MARCHF1: variants seen among roughly 807,000 people sequenced by gnomAD.
The protein encoded by MARCHF1 is E3 ubiquitin-protein ligase MARCHF1.
MARCHF1 carries 40 observed loss-of-function variants against 54.2 expected under a neutral mutation model. That is an observed-to-expected ratio of 0.74 (90% CI 0.57 to 0.96). The LOEUF (loss-of-function observed/expected upper bound fraction) is 0.96. Among genes scored for constraint, MARCHF1 ranks in the 40% least tolerant of loss-of-function variants. MARCHF1 has a pLI of 0.00. For missense variants in MARCHF1, 586 were observed against 656.5 expected (o/e 0.89, Z 1.17); for synonymous variants, 236 against 236.3 (o/e 1.00, Z 0.01).
rs1167952719 is a variant in MARCHF1, at chr4:163,637,685, T to C, written c.163-24292A>G. ...TCAACCATTGTGGAAGTCAGTGTGG[T>C]GATTCCTCAGGGATCTAGAACTAGA... On this transcript the variant is annotated intron_variant, in intron 5 of 9. Coordinates refer to ENST00000514618, the MANE Select transcript of MARCHF1 (RefSeq NM_001394959.1). Among the ~76,000 whole-genome samples, 169 of 150,418 alleles carry C rather than the reference T, an allele frequency of 1.1e-3. 1 individual carries two copies. The highest frequency in any genetic ancestry group is 0.01 in the Middle Eastern group (3 of 292).
intron 5 of MARCHF1, among the ~76,000 whole-genome samples, chr4:163,655,819 T>A (rs190253895): frequency 1.3e-5 from 2 of 151,816 alleles, no homozygotes; most frequent in Admixed American, 1.3e-4. Flanking sequence ...GAGTAAATAA[T>A]GAAATTAAGG....
intron 1 of MARCHF1, among the ~76,000 whole-genome samples, chr4:164,235,242 G>T (rs1255841730): frequency 6.6e-6 from 1 of 151,974 alleles, no homozygotes; most frequent in Non-Finnish European, 1.5e-5. Context: ...CCATTTCCCT[G>T]TATCTCATAT....
chr4:163,660,838 A>T (rs1743322279), intron 5 of MARCHF1, among the ~76,000 whole-genome samples: 1 of 151,950 alleles, frequency 6.6e-6, no homozygotes, highest in Non-Finnish European at 1.5e-5. Flanking sequence ...AATTCAAAAA[A>T]ATTCCCATTT....
At chr4:164,326,159 C>A (rs1322031549) in intron 1 of MARCHF1, among the ~76,000 whole-genome samples, 1 of 152,100 alleles carries the variant, frequency 6.6e-6, no homozygotes, top group East Asian at 1.9e-4. Flanking sequence ...TTAAAAAATT[C>A]TTGCCTTTAC....
At chr4:164,380,877 A>G (rs1731346054) in intron 1 of MARCHF1, among the ~76,000 whole-genome samples, 1 of 152,222 alleles carries the variant, frequency 6.6e-6, no homozygotes, top group African/African-American at 2.4e-5. Flanking sequence ...TCCTTAAGCT[A>G]GAATTTGAAT....
chr4:164,326,298 T>A (rs2110783288), intron 1 of MARCHF1, among the ~76,000 whole-genome samples: 1 of 152,310 alleles, frequency 6.6e-6, no homozygotes, highest in African/African-American at 2.4e-5. Flanking sequence ...AATGACTAGT[T>A]TTTATGATCC....
At chr4:164,102,615 C>A (rs1241129532) in intron 2 of MARCHF1, among the ~76,000 whole-genome samples, 1 of 151,198 alleles carries the variant, frequency 6.6e-6, no homozygotes, top group African/African-American at 2.4e-5. Flanking sequence ...CTGAAGGAAG[C>A]ACTAAACATG....
At chr4:164,200,606 A>C (rs1032904712) in intron 1 of MARCHF1, among the ~76,000 whole-genome samples, 1 of 152,220 alleles carries the variant, frequency 6.6e-6, no homozygotes, top group African/African-American at 2.4e-5. Flanking sequence ...TTCTTCAAAA[A>C]TGTTATACAT....
At chr4:164,290,049 A>G (rs1734249834) in intron 1 of MARCHF1, among the ~76,000 whole-genome samples, 1 of 152,024 alleles carries the variant, frequency 6.6e-6, no homozygotes, top group Non-Finnish European at 1.5e-5. Context: ...ACACACAGAC[A>G]CACAATTTCT....
rs191733570 is a variant in MARCHF1 at position 163,724,244 on chromosome 4, G to A, written c.112-23381C>T. On this transcript the variant is annotated intron_variant, in intron 4 of 9. Transcript: ENST00000514618. ...TGTTAGTTTTCCTTCTAATGGTCACGATCCTCAGATGTTGGAGTTTGCTGG... is the reference window on the plus strand; with the variant it reads ...TGTTAGTTTTCCTTCTAATGGTCACAATCCTCAGATGTTGGAGTTTGCTGG... 1.4e-4 allele frequency among the ~76,000 whole-genome samples: 22 copies of A among 152,316 alleles called. No individual in the cohort carries two copies. The East Asian group carries it at 2.5e-3, about 17-fold the overall frequency.
chr4:163,852,754 A>G (rs554658888), intron 4 of MARCHF1, among the ~76,000 whole-genome samples: 1 of 152,218 alleles, frequency 6.6e-6, no homozygotes, highest in African/African-American at 2.4e-5. Flanking sequence ...CTTAATATCA[A>G]CTCACTAAGG....
chr4:163,889,646 T>C (rs1213894280), intron 3 of MARCHF1, among the ~76,000 whole-genome samples: 1 of 152,108 alleles, frequency 6.6e-6, no homozygotes, highest in Non-Finnish European at 1.5e-5. Flanking sequence ...CCTGAACATC[T>C]CCTGCTTAAG....
chr4:163,959,069 A>G (rs1465729688), intron 3 of MARCHF1, among the ~76,000 whole-genome samples: 2 of 151,902 alleles, frequency 1.3e-5, no homozygotes, highest in East Asian at 3.9e-4. Flanking sequence ...AGGTGAGGTT[A>G]TCTGAGAATC....
intron 1 of MARCHF1, among the ~76,000 whole-genome samples, chr4:164,262,461 T>C (rs1372986895): frequency 6.6e-6 from 1 of 152,222 alleles, no homozygotes; most frequent in African/African-American, 2.4e-5. Context: ...TGACCCAGAA[T>C]GGCTGAACAG....
chr4:163,528,683 T>TGTCA lies in MARCHF1; in HGVS notation c.*61_*64dup. Reference sequence around the variant, plus strand: ...GGAGTAAATAATTCAAGATCACTTCTGTCATTTGTAGTGGCTGAGGGCTAG... The same window carrying TGTCA: ...GGAGTAAATAATTCAAGATCACTTCTGTCAGTCATTTGTAGTGGCTGAGGGCTAG... On this transcript the variant is annotated 3_prime_UTR_variant, in exon 10 of 10. Coordinates refer to ENST00000514618, the MANE Select transcript of MARCHF1 (RefSeq NM_001394959.1). 1 of 1,471,154 alleles carries TGTCA rather than the reference T, an allele frequency of 6.8e-7. No individual in the cohort carries two copies. The highest frequency in any genetic ancestry group is 1.4e-5 in the African/African-American group (1 of 71,144). 91.1% of individuals were successfully genotyped at this position (1,471,154 alleles called of 1,614,324 possible).
intron 8 of MARCHF1, among the ~76,000 whole-genome samples, chr4:163,572,832 T>C (rs1416811146): frequency 3.3e-5 from 5 of 152,148 alleles, no homozygotes; most frequent in Non-Finnish European, 7.4e-5. Context: ...AGCATCTGTC[T>C]ACCTCCTGCC....
chr4:163,723,519 G>A (rs1407134875), intron 4 of MARCHF1, among the ~76,000 whole-genome samples: 15 of 152,012 alleles, frequency 9.9e-5, no homozygotes, highest in African/African-American at 2.4e-4. Flanking sequence ...TGCTCTTCTC[G>A]AGGAGTATCT....
At chr4:163,539,607 A>T (rs901402296) in intron 9 of MARCHF1, among the ~76,000 whole-genome samples, 3 of 151,994 alleles carry the variant, frequency 2.0e-5, no homozygotes, top group African/African-American at 7.3e-5. Flanking sequence ...TCCCAGCTTG[A>T]CTCAAGGTAA....
intron 4 of MARCHF1, among the ~76,000 whole-genome samples, chr4:163,715,800 A>T (rs1745238774): frequency 6.6e-6 from 1 of 152,222 alleles, no homozygotes; most frequent in Non-Finnish European, 1.5e-5. Context: ...TCTCAAAAAC[A>T]TAAAGGCATT....
Sources: allele counts gnomAD v4.1 joint callset (sites outside exome capture counted in the v4.1 genomes callset), GRCh38; gene constraint gnomAD v4.1.1; transcripts MANE v1.5; gene names NCBI Gene and HGNC (gene_info 2026-07-23, HGNC 2026-07-21).